AGBL4: variants seen among roughly 807,000 people sequenced by gnomAD.
AGBL4 encodes the protein cytosolic carboxypeptidase 6.
Under a neutral mutation model 66.4 loss-of-function variants are expected in AGBL4, and 58 were observed. The ratio of observed to expected loss-of-function variants is 0.87; its 90% CI spans 0.71 to 1.09. The LOEUF (loss-of-function observed/expected upper bound fraction) is 1.09. AGBL4 is among the 50% of genes least tolerant of loss of function. The pLI is 0.00. For synonymous variants in AGBL4, 234 were observed against 222.9 expected (o/e 1.05, Z -0.44); for missense variants, 579 against 631.0 (o/e 0.92, Z 0.88).
In AGBL4 at chr1:49,766,908, C is replaced by T. The variant is rs148966746; in HGVS notation, c.158-69471G>A. Among the ~76,000 whole-genome samples the T allele has an allele frequency of 6.6e-3, 1,005 of 152,132 alleles. 7 individuals are homozygous for T. Among genetic ancestry groups the T allele is most frequent in the African/African-American group, 0.023 (944 of 41,518 alleles). On this transcript the variant is annotated intron_variant, in intron 2 of 13. Transcript: ENST00000371839. ...AATTCAACAAGAAGACTGAACTATCCTAAATTTAGAATGTACACAATATTA... is the reference window on the plus strand; with the variant it reads ...AATTCAACAAGAAGACTGAACTATCTTAAATTTAGAATGTACACAATATTA...
At chr1:48,832,000 T>C (rs1311302285) in intron 6 of AGBL4, among the ~76,000 whole-genome samples, 1 of 152,184 alleles carries the variant, frequency 6.6e-6, no homozygotes, top group South Asian at 2.1e-4. Context: ...ATTATCCCAG[T>C]TGATCCTCAG....
intron 3 of AGBL4, among the ~76,000 whole-genome samples, chr1:49,595,176 C>A (rs1449205637): frequency 1.3e-5 from 2 of 152,130 alleles, no homozygotes; most frequent in African/African-American, 4.8e-5. Flanking sequence ...GCAAGCTCCT[C>A]CTACCGGGTT....
chr1:49,482,027 C>T (rs1032652878), intron 3 of AGBL4, among the ~76,000 whole-genome samples: 3 of 149,656 alleles, frequency 2.0e-5, no homozygotes, highest in Admixed American at 6.7e-5. Context: ...CTCGGTTTGC[C>T]AGTATTTTGT....
At chr1:49,117,338 T>C (rs1186492695) in intron 4 of AGBL4, among the ~76,000 whole-genome samples, 2 of 152,124 alleles carry the variant, frequency 1.3e-5, no homozygotes, top group Non-Finnish European at 2.9e-5. Flanking sequence ...TCTTCTAGGG[T>C]TTTTATGGTT....
intron 2 of AGBL4, among the ~76,000 whole-genome samples, chr1:49,721,155 G>T (rs550770017): frequency 6.6e-6 from 1 of 152,172 alleles, no homozygotes; most frequent in Admixed American, 6.5e-5. Context: ...CCTCAAAGTA[G>T]CCAATGGCAG....
intron 5 of AGBL4, among the ~76,000 whole-genome samples, chr1:48,947,815 A>C (rs1656641087): frequency 6.6e-6 from 1 of 151,044 alleles, no homozygotes; most frequent in South Asian, 2.1e-4. Context: ...AGTATGAATG[A>C]TGGATTGTCC....
chr1:49,693,459 T>G (rs2124602566), intron 3 of AGBL4, among the ~76,000 whole-genome samples: 1 of 152,218 alleles, frequency 6.6e-6, no homozygotes, highest in East Asian at 1.9e-4. Context: ...GTGATAATAT[T>G]TAGGTTCTTT....
At chr1:48,699,618 A>C (rs1051320292) in intron 6 of AGBL4, among the ~76,000 whole-genome samples, 1 of 152,186 alleles carries the variant, frequency 6.6e-6, no homozygotes, top group African/African-American at 2.4e-5. Context: ...GACTGATGAG[A>C]ATTTGTGAAT....
intron 3 of AGBL4, among the ~76,000 whole-genome samples, chr1:49,375,458 A>G (rs1487211791): frequency 1.3e-5 from 2 of 152,066 alleles, no homozygotes; most frequent in Non-Finnish European, 2.9e-5. Flanking sequence ...TTTAAAAGTC[A>G]CGGTGCCCTT....
At position 49,840,899 on chromosome 1, in the gene AGBL4, C is replaced by T. The variant is rs1056868554; in HGVS notation, c.157+10497G>A. Among the ~76,000 whole-genome samples, 7 of 152,282 alleles carry T rather than the reference C, an allele frequency of 4.6e-5. No homozygotes were observed. The South Asian group carries it at 1.5e-3, about 32-fold the overall frequency. ...TGGCAAACCTATAGCCAACACCATA[C>T]TGAATAGGAATAAGCCGGAAGCATT... On this transcript the variant is annotated intron_variant, in intron 2 of 13. Transcript: ENST00000371839.
chr1:48,808,802 C>T (rs1475230907), intron 6 of AGBL4, among the ~76,000 whole-genome samples: 1 of 152,174 alleles, frequency 6.6e-6, no homozygotes, highest in Non-Finnish European at 1.5e-5. Context: ...ACTTTCTCTC[C>T]CTGGAGCCGT....
intron 5 of AGBL4, among the ~76,000 whole-genome samples, chr1:49,015,648 TCTC>T (rs1662764647): frequency 6.6e-6 from 1 of 151,832 alleles, no homozygotes; most frequent in Non-Finnish European, 1.5e-5. Flanking sequence ...ATGGTCTCGA[TCTC>T]CTGACCTCGT....
Position 49,536,034 on chromosome 1 carries a change from A to G in AGBL4, c.282+161279T>C, listed in dbSNP as rs565927555. Among the ~76,000 whole-genome samples the G allele has an allele frequency of 2.0e-5, 3 of 152,310 alleles. No homozygotes were observed. The East Asian group carries it at 5.8e-4, about 29-fold the overall frequency. On this transcript the variant is annotated intron_variant, in intron 3 of 13. Transcript: ENST00000371839. ...AATAAATTTTATTGAACATTTTTTG[A>G]GTTCCTTTTAGTAGTTGTTACTAGT... is the stretch of plus-strand genomic sequence containing the variant.
intron 2 of AGBL4, among the ~76,000 whole-genome samples, chr1:49,793,752 G>A (rs1285944686): frequency 6.6e-6 from 1 of 151,674 alleles, no homozygotes; most frequent in Non-Finnish European, 1.5e-5. Flanking sequence ...TTTAAATTTA[G>A]GAATAGTAAA....
At chr1:49,617,663 T>G (rs1166712937) in intron 3 of AGBL4, among the ~76,000 whole-genome samples, 2 of 152,218 alleles carry the variant, frequency 1.3e-5, no homozygotes, top group Non-Finnish European at 2.9e-5. Context: ...ACCTATCACA[T>G]GATGTGCACT....
intron 4 of AGBL4, among the ~76,000 whole-genome samples, chr1:49,140,147 A>G (rs1319661372): frequency 6.6e-6 from 1 of 152,216 alleles, no homozygotes; most frequent in Non-Finnish European, 1.5e-5. Context: ...TACTTTTTAC[A>G]ATATACTTTT....
intron 3 of AGBL4, among the ~76,000 whole-genome samples, chr1:49,389,746 C>A (rs1201909710): frequency 6.6e-6 from 1 of 152,114 alleles, no homozygotes; most frequent in African/African-American, 2.4e-5. Flanking sequence ...ACTCTGTGGT[C>A]CTGTGCTCTT....
At chr1:49,582,459 C>A (rs1644562012) in intron 3 of AGBL4, among the ~76,000 whole-genome samples, 1 of 152,136 alleles carries the variant, frequency 6.6e-6, no homozygotes, top group African/African-American at 2.4e-5. Context: ...CACTTGCAAC[C>A]CAAAACCTGG....
intron 3 of AGBL4, among the ~76,000 whole-genome samples, chr1:49,517,258 G>A (rs1649902334): frequency 6.6e-6 from 1 of 151,160 alleles, no homozygotes; most frequent in South Asian, 2.1e-4. Flanking sequence ...ATTCTTAAAG[G>A]AAAACATACT....
Sources: gnomAD v4.1 joint callset for allele counts (sites outside exome capture counted in the v4.1 genomes callset) on GRCh38, gnomAD v4.1.1 for gene constraint, MANE v1.5 for transcripts, NCBI Gene and HGNC (gene_info 2026-07-23, HGNC 2026-07-21) for gene names.